SYNE1: variants seen among roughly 807,000 people sequenced by gnomAD.
The protein encoded by SYNE1 is nesprin-1.
Under a neutral mutation model 1,111.0 loss-of-function variants are expected in SYNE1, and 616 were observed. The observed-to-expected ratio is 0.55, with a 90% confidence interval of 0.52 to 0.59. SYNE1 has a LOEUF of 0.59. Among genes scored for constraint, SYNE1 ranks in the 20% least tolerant of loss-of-function variants. The probability of loss-of-function intolerance (pLI) is 0.00; values close to 1 mark genes in which losing one functional copy is unlikely to be tolerated. For synonymous variants in SYNE1, 3,855 were observed against 3,825.8 expected (o/e 1.01, Z -0.28); for missense variants, 10,006 against 10,417.0 (o/e 0.96, Z 1.72).
intron 116 of SYNE1, among the ~76,000 whole-genome samples, chr6:152,225,143 T>C (rs758337101): frequency 3.0e-4 from 46 of 151,690 alleles, no homozygotes; most frequent in Non-Finnish European, 3.2e-4. Context: ...ACTGAGACAC[T>C]AAGAGGTAAT....
chr6:152,486,298 A>C (rs1016802293), intron 12 of SYNE1, among the ~76,000 whole-genome samples: 2 of 152,220 alleles, frequency 1.3e-5, no homozygotes, highest in African/African-American at 2.4e-5. Flanking sequence ...TGAGTGAAAA[A>C]ACTGGAAAAT....
chr6:152,314,845 G>C (rs1037382784), intron 87 of SYNE1, among the ~76,000 whole-genome samples: 5 of 149,216 alleles, frequency 3.4e-5, no homozygotes, highest in Admixed American at 2.6e-4. Context: ...CAGCTATTCA[G>C]GAGGCTGAGG....
intron 125 of SYNE1, 24 bp from the exon 126 acceptor site, chr6:152,206,386 T>A: frequency 3.1e-6 from 5 of 1,612,676 alleles, no homozygotes; most frequent in Non-Finnish European, 4.2e-6. Context: ...TAGCTTTTTA[T>A]TTTCTCATTC....
At chr6:152,337,080 C>A in intron 75 of SYNE1, 63 bp from the exon 76 acceptor site, 1 of 1,548,750 alleles carries the variant, frequency 6.5e-7, no homozygotes, top group South Asian at 1.2e-5. Context: ...GTTAATGAAT[C>A]AGAGATGGAA....
chr6:152,288,751 G>A (rs2094450994), intron 95 of SYNE1, among the ~76,000 whole-genome samples: 1 of 152,080 alleles, frequency 6.6e-6, no homozygotes. Context: ...TCACCATGTT[G>A]GCCAGGCTGG....
intron 124 of SYNE1, 60 bp downstream of exon 124, chr6:152,211,434 A>T: frequency 6.9e-7 from 1 of 1,459,518 alleles, no homozygotes; most frequent in Non-Finnish European, 9.6e-7. Flanking sequence ...TCTGCTCATT[A>T]AAAAGAAAAT....
intron 5 of SYNE1, among the ~76,000 whole-genome samples, chr6:152,524,588 A>T (rs543194723): frequency 1.3e-4 from 20 of 152,170 alleles, no homozygotes; most frequent in African/African-American, 4.6e-4. Flanking sequence ...TATACATTCC[A>T]AATTGCCTGT....
At chr6:152,242,612 T>G (rs1213876612) in intron 106 of SYNE1, among the ~76,000 whole-genome samples, 172 bp from the exon 107 acceptor site, 1 of 152,120 alleles carries the variant, frequency 6.6e-6, no homozygotes, top group Non-Finnish European at 1.5e-5. Flanking sequence ...TCTATGAGCC[T>G]TACTTTGAAA....
intron 8 of SYNE1, among the ~76,000 whole-genome samples, chr6:152,507,506 C>T (rs2099064080): frequency 6.6e-6 from 1 of 151,954 alleles, no homozygotes; most frequent in African/African-American, 2.4e-5. Flanking sequence ...CCTATTGTAA[C>T]AGTTAAAGTA....
At chr6:152,531,952 T>A (rs933467965) in intron 4 of SYNE1, among the ~76,000 whole-genome samples, 6 of 152,226 alleles carry the variant, frequency 3.9e-5, no homozygotes, top group Non-Finnish European at 8.8e-5. Context: ...TTAATGCTAC[T>A]ATGAGCGTGA....
rs3046242 is a variant in SYNE1 at position 152,429,086 on chromosome 6, GTAATAA to G, written c.4789-700_4789-695del. Among the ~76,000 whole-genome samples, 268 of 144,686 alleles carry G rather than the reference GTAATAA, an allele frequency of 1.9e-3. 1 individual carries two copies. The highest frequency in any genetic ancestry group is 4.4e-3 in the African/African-American group (171 of 39,296). 94.9% of individuals were successfully genotyped at this position (144,686 alleles called of 152,430 possible). A position where few individuals can be genotyped will look rare whatever the true frequency, so the allele number is the denominator to read the frequency against. On this transcript the variant is annotated intron_variant, in intron 36 of 145. Coordinates refer to ENST00000367255, the MANE Select transcript of SYNE1 (RefSeq NM_182961.4). ...GAAGAAGCTACTGTCTATCTCAATAGTAATAATAATAATAATAATAATAATAATAAT... is the reference window on the plus strand; with the variant it reads ...GAAGAAGCTACTGTCTATCTCAATAGTAATAATAATAATAATAATAATAAT...
At chr6:152,477,549 C>A (rs1432676606) in intron 14 of SYNE1, among the ~76,000 whole-genome samples, 1 of 152,176 alleles carries the variant, frequency 6.6e-6, no homozygotes, top group Non-Finnish European at 1.5e-5. Context: ...GCTTCACTGA[C>A]AACCCTATTT....
chr6:152,263,534 G>C (rs1188848034), intron 100 of SYNE1, among the ~76,000 whole-genome samples: 4 of 151,702 alleles, frequency 2.6e-5, no homozygotes, highest in African/African-American at 9.7e-5. Context: ...TCCCAAGTCT[G>C]GTATGCACCA....
Position 152,321,825 on chromosome 6 carries a change from T to C in SYNE1, c.15979A>G (p.Met5327Val), listed in dbSNP as rs2153927287. The change falls in exon 83 of 146, where the codon ATG (methionine) becomes GTG (valine). Residue 5327 changes from methionine (M) to valine (V), a missense_variant. Met to Val is a conservative substitution (Grantham distance 21, BLOSUM62 1). Coordinates refer to ENST00000367255, the MANE Select transcript of SYNE1 (RefSeq NM_182961.4). ...ACAGAATTGATCTGAGTCTCCACCA[T>C]TTCTCGGTCCTTCAGCTCTTGCTTC... ...LVKQELKDRE[M>V]VETQINSVKC... The C allele has an allele frequency of 6.2e-7, 1 of 1,614,044 alleles. No homozygotes were observed. The highest frequency in any genetic ancestry group is 8.5e-7 in the Non-Finnish European group (1 of 1,179,968).
chr6:152,243,787 CAT>C (rs914381350), intron 106 of SYNE1, among the ~76,000 whole-genome samples: 7 of 152,226 alleles, frequency 4.6e-5, no homozygotes, highest in East Asian at 1.9e-4. Context: ...GAAAATCTAA[CAT>C]GTGTGTCTGT....
chr6:152,334,025 T>C lies in SYNE1; in HGVS notation c.12777A>G (p.Glu4259=). ...TCTGTTACCTGGCCAAGTTATCCCA[T>C]TCTGTAGTAAATTTTTCTAGGAACA... ...VEVFLEKFTT[E]WDNLARSDAE... is the part of the protein sequence containing the mutation. The change falls in exon 77 of 146, where the codon GAA becomes GAG. Residue 4259 remains glutamate (E), a synonymous_variant. Transcript: ENST00000367255. The C allele has an allele frequency of 6.2e-7, 1 of 1,614,186 alleles. No homozygotes were observed. Among genetic ancestry groups the C allele is most frequent in the Non-Finnish European group, 8.5e-7 (1 of 1,180,028 alleles).
intron 51 of SYNE1, among the ~76,000 whole-genome samples, chr6:152,392,688 T>TATAAA (rs138485116): frequency 0.037 from 5,692 of 152,056 alleles, 380 homozygotes; most frequent in African/African-American, 0.13. Context: ...CCCTGGAACT[T>TATAAA]ATAAAATAAA....
intron 41 of SYNE1, among the ~76,000 whole-genome samples, chr6:152,414,412 GA>G (rs939652030): frequency 8.2e-5 from 12 of 145,570 alleles, no homozygotes; most frequent in African/African-American, 2.0e-4. Context: ...CTGTCTCAAA[GA>G]AAAAAAAAAG....
At chr6:152,531,374 G>C (rs1382028524) in intron 4 of SYNE1, among the ~76,000 whole-genome samples, 8 of 152,156 alleles carry the variant, frequency 5.3e-5, no homozygotes, top group Admixed American at 4.6e-4. Context: ...GTGGGTAGAG[G>C]ACATGAACAG....
Sources: allele counts gnomAD v4.1 joint callset (sites outside exome capture counted in the v4.1 genomes callset), GRCh38; gene constraint gnomAD v4.1.1; transcripts MANE v1.5; gene names NCBI Gene and HGNC (gene_info 2026-07-23, HGNC 2026-07-21).